MIGA1: variants seen among roughly 807,000 people sequenced by gnomAD.
MIGA1 encodes mitoguardin 1.
In MIGA1, 58 loss-of-function variants were observed where a neutral mutation model predicts 82.0. That is an observed-to-expected ratio of 0.71 (90% CI 0.57 to 0.88). The LOEUF (loss-of-function observed/expected upper bound fraction) is 0.88. Among genes scored for constraint, MIGA1 ranks in the 40% least tolerant of loss-of-function variants. The probability of loss-of-function intolerance (pLI) is 0.00; values close to 1 mark genes in which losing one functional copy is unlikely to be tolerated. For synonymous variants in MIGA1, 249 were observed against 253.6 expected, an observed-to-expected ratio of 0.98 and a Z score of 0.17; for missense variants, 751 against 749.1, an observed-to-expected ratio of 1.00 and a Z score of -0.03.
intron 6 of MIGA1, among the ~76,000 whole-genome samples, chr1:77,814,179 G>A (rs1433936209): frequency 2.6e-5 from 4 of 152,166 alleles, no homozygotes; most frequent in African/African-American, 9.7e-5. Flanking sequence ...CATGAGCCAA[G>A]GTGCTGACCC....
At chr1:77,863,755 A>T (rs1685557790) in intron 12 of MIGA1, 139 bp from the exon 13 acceptor site, 1 of 591,264 alleles carries the variant, frequency 1.7e-6, no homozygotes, top group African/African-American at 2.0e-5. Context: ...TTTCATATTT[A>T]TCTCTCCTTT....
chr1:77,789,169 A>T (rs917292474), intron 2 of MIGA1, among the ~76,000 whole-genome samples: 2 of 148,890 alleles, frequency 1.3e-5, no homozygotes, highest in African/African-American at 2.4e-5. Flanking sequence ...TCTTTTGGAT[A>T]ATAATCTAAA....
At chr1:77,833,204 C>T (rs1371073405) in intron 7 of MIGA1, among the ~76,000 whole-genome samples, 2 of 152,120 alleles carry the variant, frequency 1.3e-5, no homozygotes, top group East Asian at 3.8e-4. Flanking sequence ...AGGATAAACT[C>T]CCTGAGGGTT....
At chr1:77,793,173 G>A (rs576637497) in intron 2 of MIGA1, among the ~76,000 whole-genome samples, 49 of 151,916 alleles carry the variant, frequency 3.2e-4, no homozygotes, top group African/African-American at 1.1e-3. Context: ...GTGTGATATC[G>A]GCTCATTGTA....
chr1:77,803,548 TA>T (rs1682971836), intron 4 of MIGA1, 142 bp downstream of exon 4: 1 of 404,354 alleles, frequency 2.5e-6, no homozygotes, highest in African/African-American at 2.1e-5. Flanking sequence ...TTTAGGCAAG[TA>T]AAATACCTTT....
chr1:77,849,636 T>C (rs1053492167), intron 8 of MIGA1, among the ~76,000 whole-genome samples: 5 of 152,104 alleles, frequency 3.3e-5, no homozygotes, highest in African/African-American at 1.2e-4. Context: ...GCTTAAAAAA[T>C]ACACCAATAA....
At chr1:77,816,107 C>G (rs1683563909) in intron 7 of MIGA1, among the ~76,000 whole-genome samples, 1 of 151,998 alleles carries the variant, frequency 6.6e-6, no homozygotes, top group African/African-American at 2.4e-5. Context: ...CCATACCCAG[C>G]TAATTTTTGT....
intron 7 of MIGA1, among the ~76,000 whole-genome samples, chr1:77,829,378 G>A (rs557280740): frequency 6.6e-6 from 1 of 152,304 alleles, no homozygotes; most frequent in East Asian, 1.9e-4. Flanking sequence ...TTGAGCCTGG[G>A]AGTTTGAAGC....
chr1:77,801,959 A>G (rs1389190819), intron 3 of MIGA1, among the ~76,000 whole-genome samples: 2 of 152,052 alleles, frequency 1.3e-5, no homozygotes, highest in Admixed American at 1.3e-4. Context: ...ATGTACCCCA[A>G]TTTATTTAAT....
intron 8 of MIGA1, among the ~76,000 whole-genome samples, chr1:77,849,938 G>A (rs1477466478): frequency 6.6e-6 from 1 of 152,040 alleles, no homozygotes; most frequent in Non-Finnish European, 1.5e-5. Context: ...AGTAGGCTGA[G>A]GCAGGAGAAT....
intron 8 of MIGA1, among the ~76,000 whole-genome samples, chr1:77,857,726 G>GTTTTTT (rs766194564): frequency 1.5e-3 from 165 of 110,948 alleles, no homozygotes; most frequent in Non-Finnish European, 2.2e-3. Context: ...CTGGGTTGTT[G>GTTTTTT]TTTTTTTTTT....
chr1:77,806,769 C>T (rs1683116566), intron 4 of MIGA1, among the ~76,000 whole-genome samples: 1 of 152,112 alleles, frequency 6.6e-6, no homozygotes, highest in South Asian at 2.1e-4. Context: ...TACTACTCTT[C>T]TTGTGTATTT....
chr1:77,840,348 A>G (rs1370118694), intron 7 of MIGA1, among the ~76,000 whole-genome samples: 2 of 152,204 alleles, frequency 1.3e-5, no homozygotes, highest in Non-Finnish European at 2.9e-5. Context: ...ACTGATCTGG[A>G]TGACATTGAA....
At chr1:77,870,197 G>A in intron 14 of MIGA1, among the ~76,000 whole-genome samples, 1 of 118,466 alleles carries the variant, frequency 8.4e-6, no homozygotes, top group Non-Finnish European at 1.9e-5. Flanking sequence ...TCCCGGACGG[G>A]GCGGCTGGCC....
At chr1:77,789,090 C>T (rs955462151) in intron 2 of MIGA1, among the ~76,000 whole-genome samples, 6 of 150,908 alleles carry the variant, frequency 4.0e-5, no homozygotes, top group African/African-American at 1.2e-4. Context: ...CTTTCAGCAA[C>T]GTGTATATAT....
chr1:77,809,754 GTTT>G lies in MIGA1; in HGVS notation c.637+2667_637+2669del, dbSNP rs55741013. ...ATAATTGGTTTTTATGTGCATAAAT[GTTT>G]TTTTTTTTTTTTTGTACTATGAAAG... On this transcript the variant is annotated intron_variant, in intron 5 of 15. Transcript: ENST00000370791. 9.9e-4 allele frequency among the ~76,000 whole-genome samples: 135 copies of G among 136,150 alleles called. 1 individual carries two copies. The highest frequency in any genetic ancestry group is 3.6e-3 in the Admixed American group (48 of 13,446). 89.3% of individuals were successfully genotyped at this position (136,150 alleles called of 152,430 possible).
intron 6 of MIGA1, 102 bp downstream of exon 6, chr1:77,813,969 G>A (rs761515566): frequency 3.9e-5 from 49 of 1,258,412 alleles, no homozygotes; most frequent in Non-Finnish European, 5.5e-5. Flanking sequence ...TACCCAGGCT[G>A]AGTCTTGAAC....
intron 1 of MIGA1, among the ~76,000 whole-genome samples, chr1:77,781,774 C>T (rs1397352548): frequency 6.6e-6 from 1 of 151,956 alleles, no homozygotes; most frequent in Non-Finnish European, 1.5e-5. Context: ...CTGCTGTATC[C>T]CTAGTAAGGA....
rs1387272536 is a variant in MIGA1, at chr1:77,879,257, AGAATTTATATAATCTGT to A, written c.*4196_*4212del. On this transcript the variant is annotated 3_prime_UTR_variant, in exon 16 of 16. Transcript: ENST00000370791. ...TTTAGAAATATGTATGTGAAATTTA[AGAATTTATATAATCTGT>A]GATTAGTGGAAATAAGAACATCCCT... The A allele has an allele frequency of 6.6e-6, 1 of 152,230 alleles. No homozygotes were observed. The highest frequency in any genetic ancestry group is 2.4e-5 in the African/African-American group (1 of 41,460). The allele number at this position is 152,230 out of a possible 1,614,324, so 9.4% of individuals were successfully genotyped here.
Sources: gnomAD v4.1 joint callset for allele counts (sites outside exome capture counted in the v4.1 genomes callset) on GRCh38, gnomAD v4.1.1 for gene constraint, MANE v1.5 for transcripts, NCBI Gene and HGNC (gene_info 2026-07-23, HGNC 2026-07-21) for gene names.